The following CNTNAP2 variants were observed in gnomAD, a reference collection of about 807,000 sequenced individuals.
CNTNAP2 encodes contactin-associated protein-like 2.
A neutral mutation model predicts 155.2 loss-of-function variants in CNTNAP2; 98 were observed. That is an observed-to-expected ratio of 0.63 (90% confidence interval 0.54 to 0.75). CNTNAP2 has a LOEUF of 0.75. Among genes scored for constraint, CNTNAP2 ranks in the 30% least tolerant of loss-of-function variants. CNTNAP2 has a pLI of 0.00. For missense variants in CNTNAP2, 1,727 were observed against 1,688.1 expected (o/e 1.02, Z -0.40); for synonymous variants, 651 against 631.2 (o/e 1.03, Z -0.47).
chr7:146,457,014 A>G (rs987540655), intron 1 of CNTNAP2, among the ~76,000 whole-genome samples: 15 of 152,102 alleles, frequency 9.9e-5, no homozygotes, highest in African/African-American at 2.9e-4. Flanking sequence ...TATTTTTTTC[A>G]AACTGCATTG....
chr7:147,856,280 A>G (rs796819828), intron 13 of CNTNAP2, among the ~76,000 whole-genome samples: 47 of 152,286 alleles, frequency 3.1e-4, no homozygotes, highest in African/African-American at 1.1e-3. Flanking sequence ...CAGACTCACT[A>G]CATGAGCATT....
At chr7:146,563,083 C>T (rs1251730188) in intron 1 of CNTNAP2, among the ~76,000 whole-genome samples, 1 of 152,124 alleles carries the variant, frequency 6.6e-6, no homozygotes, top group Non-Finnish European at 1.5e-5. Context: ...TTAAATCATT[C>T]TTATGTGACT....
At chr7:146,728,930 G>A (rs1386909419) in intron 1 of CNTNAP2, among the ~76,000 whole-genome samples, 1 of 152,090 alleles carries the variant, frequency 6.6e-6, no homozygotes, top group African/African-American at 2.4e-5. Flanking sequence ...AACTGGCTTT[G>A]GTTTCTTCTT....
intron 14 of CNTNAP2, among the ~76,000 whole-genome samples, chr7:147,961,713 A>G (rs1801123026): frequency 6.6e-6 from 1 of 152,198 alleles, no homozygotes. Context: ...GTAATAAAAG[A>G]TTCTAGATAT....
chr7:146,571,348 A>C (rs1208219347), intron 1 of CNTNAP2, among the ~76,000 whole-genome samples: 1 of 152,110 alleles, frequency 6.6e-6, no homozygotes. Context: ...TTACATAATT[A>C]TTATCTAGTA....
intron 10 of CNTNAP2, among the ~76,000 whole-genome samples, chr7:147,409,259 G>A (rs957409892): frequency 2.0e-5 from 3 of 152,070 alleles, no homozygotes; most frequent in Non-Finnish European, 2.9e-5. Context: ...CACTTAGAAC[G>A]ATCTGATCTT....
At chr7:148,393,079 T>C (rs925240108) in intron 22 of CNTNAP2, among the ~76,000 whole-genome samples, 1 of 152,236 alleles carries the variant, frequency 6.6e-6, no homozygotes, top group African/African-American at 2.4e-5. Context: ...TATATCTTCA[T>C]GTGCAAAGAG....
intron 4 of CNTNAP2, among the ~76,000 whole-genome samples, chr7:147,094,720 C>T (rs939275260): frequency 6.6e-6 from 1 of 152,002 alleles, no homozygotes; most frequent in South Asian, 2.1e-4. Flanking sequence ...TGTAAGCCTT[C>T]CAGCCTCTGC....
intron 15 of CNTNAP2, among the ~76,000 whole-genome samples, chr7:148,063,408 A>C (rs1803194788): frequency 6.6e-6 from 1 of 151,700 alleles, no homozygotes; most frequent in Non-Finnish European, 1.5e-5. Context: ...GTACCACTTG[A>C]CTTTGCCCCA....
intron 13 of CNTNAP2, among the ~76,000 whole-genome samples, chr7:147,873,491 C>T (rs568136512): frequency 3.9e-5 from 6 of 152,240 alleles, no homozygotes; most frequent in African/African-American, 7.2e-5. Flanking sequence ...TAAAACCAGC[C>T]AATCTTGTGA....
chr7:146,548,554 C>T (rs1468291868), intron 1 of CNTNAP2, among the ~76,000 whole-genome samples: 1 of 151,966 alleles, frequency 6.6e-6, no homozygotes, highest in Non-Finnish European at 1.5e-5. Flanking sequence ...GGTGGTGTCT[C>T]ATTGTGGTTT....
intron 21 of CNTNAP2, among the ~76,000 whole-genome samples, chr7:148,288,206 T>C (rs908592891): frequency 6.6e-6 from 1 of 151,652 alleles, no homozygotes; most frequent in African/African-American, 2.4e-5. Context: ...TTCAAGTGAT[T>C]CTCCTGCCTC....
At chr7:147,942,095 T>C (rs1585040606) in intron 14 of CNTNAP2, among the ~76,000 whole-genome samples, 5 of 152,200 alleles carry the variant, frequency 3.3e-5, no homozygotes, top group Admixed American at 3.3e-4. Context: ...CTCACTGCTA[T>C]TTCTGAGGTT....
At chr7:146,226,707 G>A (rs984336876) in intron 1 of CNTNAP2, among the ~76,000 whole-genome samples, 6 of 152,086 alleles carry the variant, frequency 3.9e-5, no homozygotes, top group East Asian at 1.9e-4. Context: ...AAACAAACAC[G>A]TTCTGGAAGT....
intron 12 of CNTNAP2, among the ~76,000 whole-genome samples, chr7:147,633,782 T>G (rs1330341058): frequency 6.6e-6 from 1 of 152,176 alleles, no homozygotes; most frequent in Non-Finnish European, 1.5e-5. Flanking sequence ...AGGTGCCTTC[T>G]GCCATGATTG....
chr7:148,098,444 G>GAT (rs1804018549), intron 15 of CNTNAP2, among the ~76,000 whole-genome samples: 1 of 56,404 alleles, frequency 1.8e-5, no homozygotes, highest in Non-Finnish European at 2.8e-5. Context: ...CTCTGTCTCA[G>GAT]AAAAAAAAAA....
intron 2 of CNTNAP2, among the ~76,000 whole-genome samples, chr7:146,801,344 T>C (rs953489129): frequency 1.3e-5 from 2 of 152,094 alleles, no homozygotes; most frequent in Non-Finnish European, 2.9e-5. Context: ...ATCTCCAACA[T>C]TTGTGGCCAC....
intron 15 of CNTNAP2, among the ~76,000 whole-genome samples, chr7:148,028,741 T>C (rs1375797756): frequency 6.6e-6 from 1 of 152,132 alleles, no homozygotes; most frequent in Admixed American, 6.5e-5. Flanking sequence ...TTCACATGGG[T>C]CCTTCCTGTG....
chr7:146,634,835 G>GTTT (rs1313989666), intron 1 of CNTNAP2, among the ~76,000 whole-genome samples: 1 of 152,154 alleles, frequency 6.6e-6, no homozygotes, highest in Non-Finnish European at 1.5e-5. Context: ...GGACTGCAAT[G>GTTT]TTTTTTGTCA....
Sources: allele counts gnomAD v4.1 joint callset (sites outside exome capture counted in the v4.1 genomes callset), GRCh38; gene constraint gnomAD v4.1.1; transcripts MANE v1.5; gene names NCBI Gene and HGNC (gene_info 2026-07-23, HGNC 2026-07-21).